KIF26B: variants seen among roughly 807,000 people sequenced by gnomAD.
KIF26B encodes kinesin family member 26B.
In KIF26B, 63 loss-of-function variants were observed where a neutral mutation model predicts 151.2. The observed-to-expected ratio is 0.42, with a 90% CI of 0.34 to 0.51. The LOEUF (loss-of-function observed/expected upper bound fraction) is 0.51. Among genes scored for constraint, KIF26B ranks in the 20% least tolerant of loss-of-function variants. The pLI is 0.07. For missense variants in KIF26B, 2,813 were observed against 2,913.6 expected, an observed-to-expected ratio of 0.97 and a Z score of 0.79; for synonymous variants, 1,357 against 1,262.1, an observed-to-expected ratio of 1.08 and a Z score of -1.59.
chr1:245,408,646 C>T (rs1674197794), intron 3 of KIF26B, among the ~76,000 whole-genome samples: 1 of 152,156 alleles, frequency 6.6e-6, no homozygotes, highest in African/African-American at 2.4e-5. Flanking sequence ...TGAGCCACCG[C>T]GTCCGGCCCC....
chr1:245,473,318 A>T (rs931952229), intron 4 of KIF26B, among the ~76,000 whole-genome samples: 1 of 152,152 alleles, frequency 6.6e-6, no homozygotes, highest in African/African-American at 2.4e-5. Flanking sequence ...CAATTTCTTA[A>T]TTGATGTTTC....
chr1:245,466,122 T>G (rs1235247672), intron 4 of KIF26B, among the ~76,000 whole-genome samples: 1 of 152,218 alleles, frequency 6.6e-6, no homozygotes, highest in Non-Finnish European at 1.5e-5. Flanking sequence ...GGGATCCATA[T>G]ACCCCTTTTA....
intron 10 of KIF26B, among the ~76,000 whole-genome samples, chr1:245,678,924 T>G (rs1199624865): frequency 6.6e-6 from 1 of 152,020 alleles, no homozygotes; most frequent in Non-Finnish European, 1.5e-5. Flanking sequence ...AGAGCATGCC[T>G]GTGCGTATGG....
At chr1:245,447,705 C>T (rs1659278069) in intron 4 of KIF26B, among the ~76,000 whole-genome samples, 1 of 152,196 alleles carries the variant, frequency 6.6e-6, no homozygotes, top group Admixed American at 6.5e-5. Flanking sequence ...TTACTATTGT[C>T]CCAACAACAC....
At chr1:245,547,314 G>A (rs967713672) in intron 5 of KIF26B, among the ~76,000 whole-genome samples, 2 of 152,198 alleles carry the variant, frequency 1.3e-5, no homozygotes, top group Non-Finnish European at 2.9e-5. Flanking sequence ...GCCAGGCATG[G>A]TGGCTCACGT....
At chr1:245,511,146 A>T (rs983051358) in intron 4 of KIF26B, 30 of 717,016 alleles carry the variant, frequency 4.2e-5, no homozygotes, top group Non-Finnish European at 6.8e-5. Flanking sequence ...ACGCAGTTAT[A>T]TATGTTGCTG....
chr1:245,289,455 A>G (rs759071317), intron 2 of KIF26B, among the ~76,000 whole-genome samples: 7 of 152,330 alleles, frequency 4.6e-5, no homozygotes, highest in South Asian at 2.1e-4. Flanking sequence ...GATAGCAGAA[A>G]ATGAGAAGGA....
intron 10 of KIF26B, among the ~76,000 whole-genome samples, chr1:245,648,632 CA>C (rs35377336): frequency 1.3e-3 from 188 of 140,084 alleles, no homozygotes; most frequent in East Asian, 2.5e-3. Context: ...GACCCTGTCT[CA>C]AAAAAAAAAA....
chr1:245,499,946 T>A (rs910637125), intron 4 of KIF26B, among the ~76,000 whole-genome samples: 1 of 152,208 alleles, frequency 6.6e-6, no homozygotes. Context: ...TTGCTGAGGG[T>A]TGGGCTGAGT....
chr1:245,377,954 G>A (rs146946932), intron 3 of KIF26B, among the ~76,000 whole-genome samples: 1,802 of 152,258 alleles, frequency 0.012, 28 homozygotes, highest in African/African-American at 0.041. Flanking sequence ...CAAAGTCAAC[G>A]ATCAACCTGT....
intron 4 of KIF26B, among the ~76,000 whole-genome samples, chr1:245,485,424 C>G (rs1333644363): frequency 3.3e-5 from 5 of 149,512 alleles, no homozygotes; most frequent in Admixed American, 1.3e-4. Context: ...CGCTCTGTCA[C>G]CCAGGCTGGA....
chr1:245,323,435 C>T (rs1208945046), intron 2 of KIF26B, among the ~76,000 whole-genome samples: 1 of 152,166 alleles, frequency 6.6e-6, no homozygotes, highest in Non-Finnish European at 1.5e-5. Context: ...TTTCAAGAGG[C>T]TTTGTAACGA....
intron 7 of KIF26B, among the ~76,000 whole-genome samples, chr1:245,608,172 C>T (rs747156275): frequency 2.6e-5 from 4 of 152,152 alleles, no homozygotes; most frequent in Admixed American, 1.3e-4. Flanking sequence ...GAGCCCAGGG[C>T]GCGTCTGGAG....
At chr1:245,337,478 G>A (rs1672257268) in intron 2 of KIF26B, among the ~76,000 whole-genome samples, 1 of 151,906 alleles carries the variant, frequency 6.6e-6, no homozygotes, top group African/African-American at 2.4e-5. Context: ...CACCACGCCT[G>A]GCCATTCATT....
chr1:245,200,955 A>C (rs577436844), intron 2 of KIF26B, among the ~76,000 whole-genome samples: 1 of 152,328 alleles, frequency 6.6e-6, no homozygotes, highest in Admixed American at 6.5e-5. Flanking sequence ...TTTTGTAGAA[A>C]AAGTAACTGA....
In KIF26B at chr1:245,341,316, T is replaced by G. The variant is rs1021983149; in HGVS notation, c.466-25518T>G. Among the ~76,000 whole-genome samples, 44 of 70,442 alleles carry G rather than the reference T, an allele frequency of 6.2e-4. No homozygotes were observed. The East Asian group carries it at 0.015, about 24-fold the overall frequency. 46.2% of individuals were successfully genotyped at this position (70,442 alleles called of 152,430 possible). A position where few individuals can be genotyped will look rare whatever the true frequency, so the allele number is the denominator to read the frequency against. On this transcript the variant is annotated intron_variant, in intron 2 of 14. Coordinates refer to ENST00000407071, the MANE Select transcript of KIF26B (RefSeq NM_018012.4). ...TAAAAAGATGCAGTTTTTTTTTTTTTTTTTTTTTTTTTTTTTTTTTTTGAG... is the reference window on the plus strand; with the variant it reads ...TAAAAAGATGCAGTTTTTTTTTTTTGTTTTTTTTTTTTTTTTTTTTTTGAG...
chr1:245,262,800 T>A (rs1670672951), intron 2 of KIF26B, among the ~76,000 whole-genome samples: 1 of 152,136 alleles, frequency 6.6e-6, no homozygotes, highest in South Asian at 2.1e-4. Context: ...TCTCTGGAAG[T>A]AGAATGGAAT....
intron 3 of KIF26B, among the ~76,000 whole-genome samples, chr1:245,402,374 G>A (rs1308365782): frequency 6.6e-6 from 1 of 152,160 alleles, no homozygotes; most frequent in South Asian, 2.1e-4. Flanking sequence ...TGGCAGGCTC[G>A]CTGGATACAG....
intron 4 of KIF26B, among the ~76,000 whole-genome samples, chr1:245,479,913 G>A (rs1357928056): frequency 6.6e-6 from 1 of 151,616 alleles, no homozygotes; most frequent in Non-Finnish European, 1.5e-5. Flanking sequence ...TAGGATTCGT[G>A]GATAAGGATT....
Sources: gnomAD v4.1 joint callset for allele counts (sites outside exome capture counted in the v4.1 genomes callset) on GRCh38, gnomAD v4.1.1 for gene constraint, MANE v1.5 for transcripts, NCBI Gene and HGNC (gene_info 2026-07-23, HGNC 2026-07-21) for gene names.